MAFB: variants seen among roughly 807,000 people sequenced by gnomAD.
MAFB encodes the protein transcription factor MafB.
Under a neutral mutation model 17.7 loss-of-function variants are expected in MAFB, and 3 were observed. That is an observed-to-expected ratio of 0.17 (90% CI 0.08 to 0.44). The LOEUF (loss-of-function observed/expected upper bound fraction) is 0.44. Ranked by LOEUF, MAFB falls within the 20% of genes least tolerant of loss-of-function variation. The probability of loss-of-function intolerance (pLI) is 0.99; values close to 1 mark genes in which losing one functional copy is unlikely to be tolerated. For missense variants in MAFB, 355 were observed against 461.3 expected, an observed-to-expected ratio of 0.77 and a Z score of 2.11; for synonymous variants, 214 against 211.5, an observed-to-expected ratio of 1.01 and a Z score of -0.10.
At position 40,688,620 on chromosome 20, in the gene MAFB, T is replaced by C; in HGVS notation, c.231A>G (p.Glu77=). The part of the protein sequence containing the change: ...VPSSPSFSPT[E]QKTHLEDLYW... Reference sequence around the variant, plus strand: ...ACAGATCCTCGAGGTGTGTCTTCTGTTCGGTCGGGCTGAAGCTGGGCGACG... The same window carrying C: ...ACAGATCCTCGAGGTGTGTCTTCTGCTCGGTCGGGCTGAAGCTGGGCGACG... Residue 77 remains glutamate (E), a synonymous_variant, in exon 1 of 1, where the codon GAA becomes GAG. Transcript: ENST00000373313. The C allele has an allele frequency of 6.2e-7, 1 of 1,614,082 alleles. No homozygotes were observed. The highest frequency in any genetic ancestry group is 1.1e-5 in the South Asian group (1 of 91,082).
rs1986822911 is a variant in MAFB at position 40,686,116 on chromosome 20, C to A, written c.*1763G>T. ...CAAATATCCACAATATTTAAAACTG[C>A]AAGCACCATGCGGTTCATACAATCT... is the stretch of plus-strand genomic sequence containing the variant. On this transcript the variant is annotated 3_prime_UTR_variant, in exon 1 of 1. Transcript: ENST00000373313. 1 of 200,508 alleles carries A rather than the reference C, an allele frequency of 5.0e-6. No individual in the cohort carries two copies. The highest frequency in any genetic ancestry group is 1.0e-5 in the Non-Finnish European group (1 of 97,170). 12.4% of individuals were successfully genotyped at this position (200,508 alleles called of 1,614,324 possible).
At position 40,687,772 on chromosome 20, in the gene MAFB, C is replaced by T; in HGVS notation, c.*107G>A. 3.6e-6 allele frequency: 5 copies of T among 1,370,128 alleles called. No individual in the cohort carries two copies. The highest frequency in any genetic ancestry group is 4.9e-6 in the Non-Finnish European group (5 of 1,021,478). The allele number at this position is 1,370,128 out of a possible 1,614,324, so 84.9% of individuals were successfully genotyped here. ...TCCCTCTCGCTCAAGTCAAACAGGT[C>T]AAGGCTGGGGCCGCGGCAGGGACAG... On this transcript the variant is annotated 3_prime_UTR_variant, in exon 1 of 1. Coordinates refer to ENST00000373313, the MANE Select transcript of MAFB (RefSeq NM_005461.5).
In MAFB at chr20:40,686,540, TCAGGGATG is replaced by T. The variant is rs1986831927; in HGVS notation, c.*1331_*1338del. On this transcript the variant is annotated 3_prime_UTR_variant, in exon 1 of 1. Coordinates refer to ENST00000373313, the MANE Select transcript of MAFB (RefSeq NM_005461.5). ...TCTGCTTACCAGTGCACTGCCAGGG[TCAGGGATG>T]GCTAAGCCTCTCACCCTAGGAGCGC... is the stretch of plus-strand genomic sequence containing the variant. 1 of 396,770 alleles carries T rather than the reference TCAGGGATG, an allele frequency of 2.5e-6. No homozygotes were observed. Among genetic ancestry groups the T allele is most frequent in the African/African-American group, 2.1e-5 (1 of 48,634 alleles). The allele number at this position is 396,770 out of a possible 1,614,324, so 24.6% of individuals were successfully genotyped here.
In MAFB at chr20:40,688,289, G is replaced by A; in HGVS notation, c.562C>T (p.Pro188Ser). The stretch of plus-strand genomic sequence containing the variant: ...GCCGTCGCGTGCGGCCCGGGCCCGG[G>A]GTGGCTAGTGGGCAGCTGTTGCGCC... ...SPAQQLPTSH[P>S]GPGPHATASA... The change falls in exon 1 of 1, where the codon CCC (proline) becomes TCC (serine). Residue 188 changes from proline (P) to serine (S), a missense_variant. Coordinates refer to ENST00000373313, the MANE Select transcript of MAFB (RefSeq NM_005461.5). The A allele has an allele frequency of 6.5e-7, 1 of 1,537,286 alleles. No homozygotes were observed. The highest frequency in any genetic ancestry group is 8.7e-7 in the Non-Finnish European group (1 of 1,149,910).
Position 40,688,211 on chromosome 20 carries a change from C to G in MAFB, c.640G>C (p.Asp214His). ...CGCACGGACATGGACACGAGCTGGTCGTCGGAGAAGCGGTCCTCCACGCTG... is the reference window on the plus strand; with the variant it reads ...CGCACGGACATGGACACGAGCTGGTGGTCGGAGAAGCGGTCCTCCACGCTG... ...NGSVEDRFSD[D>H]QLVSMSVREL... The change falls in exon 1 of 1, where the codon GAC (aspartate) becomes CAC (histidine). Residue 214 changes from aspartate (D) to histidine (H), a missense_variant. Asp to His is a moderately conservative substitution (Grantham distance 81). This residue lies in a region of MAFB where 285 missense variants were observed against 350.0 expected (regional missense o/e 0.81). Transcript: ENST00000373313. 2 of 1,590,064 alleles carry G rather than the reference C, an allele frequency of 1.3e-6. No individual in the cohort carries two copies. The highest frequency in any genetic ancestry group is 1.7e-6 in the Non-Finnish European group (2 of 1,174,160).
Position 40,686,075 on chromosome 20 carries a change from C to T in MAFB, c.*1804G>A, listed in dbSNP as rs1014368323. The T allele has an allele frequency of 1.5e-5, 3 of 195,334 alleles. No homozygotes were observed. The highest frequency in any genetic ancestry group is 3.2e-5 in the Non-Finnish European group (3 of 93,822). 12.1% of individuals were successfully genotyped at this position (195,334 alleles called of 1,614,324 possible). ...AGTTGAATCTGTAAAAACCAAAGCTCGTTTCTGATGCAGGACAAATATCCA... is the reference window on the plus strand; with the variant it reads ...AGTTGAATCTGTAAAAACCAAAGCTTGTTTCTGATGCAGGACAAATATCCA... On this transcript the variant is annotated 3_prime_UTR_variant, in exon 1 of 1. Coordinates refer to ENST00000373313, the MANE Select transcript of MAFB (RefSeq NM_005461.5).
Position 40,688,238 on chromosome 20 carries a change from C to G in MAFB, c.613G>C (p.Gly205Arg), listed in dbSNP as rs747066288. The G allele has an allele frequency of 1.2e-5, 18 of 1,560,430 alleles. No homozygotes were observed. Among genetic ancestry groups the G allele is most frequent in the Non-Finnish European group, 1.4e-5 (16 of 1,160,298 alleles). Reference sequence around the variant, plus strand: ...TCGGAGAAGCGGTCCTCCACGCTGCCGTTGCCGCCCGCCGCCGTCGCCGAG... The same window carrying G: ...TCGGAGAAGCGGTCCTCCACGCTGCGGTTGCCGCCCGCCGCCGTCGCCGAG... ...TASATAAGGN[G>R]SVEDRFSDDQ... is the part of the protein sequence containing the mutation. The change falls in exon 1 of 1, where the codon GGC becomes CGC. Residue 205 changes from glycine to arginine, a missense_variant. Transcript: ENST00000373313.
At position 40,688,991 on chromosome 20, in the gene MAFB, C is replaced by G. The variant is rs1393028765; in HGVS notation, c.-141G>C. On this transcript the variant is annotated 5_prime_UTR_variant, in exon 1 of 1. Transcript: ENST00000373313. The stretch of plus-strand genomic sequence containing the variant: ...GGGCGCAGCGGGCCGGGGCCGCCGG[C>G]CAAGCCTTTGTCTGGGGACGCGGCG... 8.1e-7 allele frequency: 1 copy of G among 1,241,386 alleles called. No homozygotes were observed. The highest frequency in any genetic ancestry group is 1.9e-5 in the South Asian group (1 of 52,662). 76.9% of individuals were successfully genotyped at this position (1,241,386 alleles called of 1,614,324 possible). A position where few individuals can be genotyped will look rare whatever the true frequency, so the allele number is the denominator to read the frequency against.
Position 40,687,734 on chromosome 20 carries a change from C to G in MAFB, c.*145G>C. ...GCGCACCCGCCCGTCGCCCGCGGCC[C>G]GCGCGCCCTTCCTCCCTCTCGCTCA... On this transcript the variant is annotated 3_prime_UTR_variant, in exon 1 of 1. Transcript: ENST00000373313. 1 of 1,078,986 alleles carries G rather than the reference C, an allele frequency of 9.3e-7. No individual in the cohort carries two copies. 66.8% of individuals were successfully genotyped at this position (1,078,986 alleles called of 1,614,324 possible). A position where few individuals can be genotyped will look rare whatever the true frequency, so the allele number is the denominator to read the frequency against.
In MAFB at chr20:40,688,928, G is replaced by A. The variant is rs1986910700; in HGVS notation, c.-78C>T. 1.3e-6 allele frequency: 2 copies of A among 1,500,836 alleles called. No homozygotes were observed. Among genetic ancestry groups the A allele is most frequent in the Non-Finnish European group, 1.8e-6 (2 of 1,133,440 alleles). 93.0% of individuals were successfully genotyped at this position (1,500,836 alleles called of 1,614,324 possible). A position where few individuals can be genotyped will look rare whatever the true frequency, so the allele number is the denominator to read the frequency against. On this transcript the variant is annotated 5_prime_UTR_variant, in exon 1 of 1. Transcript: ENST00000373313. ...CGGAGCGCGCCGAGCCAAGCGCGGG[G>A]GGGAAGAGCGGAGAAGAGCTGGGGA...
Position 40,688,802 on chromosome 20 carries a change from C to T in MAFB, c.49G>A (p.Ala17Thr), listed in dbSNP as rs753326927. 1.9e-6 allele frequency: 3 copies of T among 1,613,272 alleles called. No individual in the cohort carries two copies. Among genetic ancestry groups the T allele is most frequent in the East Asian group, 2.2e-5 (1 of 44,870 alleles). The change falls in exon 1 of 1, where the codon GCC becomes ACC. Residue 17 changes from alanine (A) to threonine (T), a missense_variant. Physicochemically the swap from Ala to Thr is moderately conservative, Grantham distance 58. This residue lies in a region of MAFB where 285 missense variants were observed against 350.0 expected (regional missense o/e 0.81). Coordinates refer to ENST00000373313, the MANE Select transcript of MAFB (RefSeq NM_005461.5). ...TCGAAGTCGTTGACATACTCCATGG[C>T]CAGCGGGCTGGTGGGCAGCTCTGGC... ...MGPELPTSPL[A>T]MEYVNDFDLL... is the part of the protein sequence containing the mutation.
At position 40,688,914 on chromosome 20, in the gene MAFB, G is replaced by T; in HGVS notation, c.-64C>A. 6.6e-7 allele frequency: 1 copy of T among 1,519,400 alleles called. No individual in the cohort carries two copies. The highest frequency in any genetic ancestry group is 8.8e-7 in the Non-Finnish European group (1 of 1,141,100). The allele number at this position is 1,519,400 out of a possible 1,614,324, so 94.1% of individuals were successfully genotyped here. ...ACTTTGCGGCCGGCCGGAGCGCGCC[G>T]AGCCAAGCGCGGGGGGGAAGAGCGG... On this transcript the variant is annotated 5_prime_UTR_variant, in exon 1 of 1. Coordinates refer to ENST00000373313, the MANE Select transcript of MAFB (RefSeq NM_005461.5).
chr20:40,686,736 C>T lies in MAFB; in HGVS notation c.*1143G>A. ...GACAAGGCTGTAGTCCAGAACACTC[C>T]TCTGGGGTGCGGAGCTTGGCAGCTT... On this transcript the variant is annotated 3_prime_UTR_variant, in exon 1 of 1. Transcript: ENST00000373313. The T allele has an allele frequency of 2.5e-6, 1 of 398,646 alleles. No homozygotes were observed. Among genetic ancestry groups the T allele is most frequent in the Non-Finnish European group, 4.4e-6 (1 of 226,084 alleles). 24.7% of individuals were successfully genotyped at this position (398,646 alleles called of 1,614,324 possible).
Position 40,688,657 on chromosome 20 carries a change from C to T in MAFB, c.194G>A (p.Ser65Asn), listed in dbSNP as rs1261578040. 6.2e-7 allele frequency: 1 copy of T among 1,613,980 alleles called. No individual in the cohort carries two copies. The highest frequency in any genetic ancestry group is 2.2e-5 in the East Asian group (1 of 44,860). Residue 65 changes from serine (S) to asparagine (N), a missense_variant, in exon 1 of 1, where the codon AGC (serine) becomes AAC (asparagine). Around this residue, in one of 3 missense-constraint regions of MAFB, gnomAD observed 285 missense variants for 350.0 expected, o/e 0.81. Transcript: ENST00000373313. ...VSSTPLSTPC[S>N]SVPSSPSFSP... ...GAAGCTGGGCGACGAGGGCACGGAG[C>T]TACACGGAGTGCTGAGCGGTGTGGA...
chr20:40,687,057 T>C lies in MAFB; in HGVS notation c.*822A>G, dbSNP rs1326520641. 1.0e-5 allele frequency: 4 copies of C among 398,664 alleles called. No homozygotes were observed. The highest frequency in any genetic ancestry group is 1.8e-5 in the Non-Finnish European group (4 of 226,040). 24.7% of individuals were successfully genotyped at this position (398,664 alleles called of 1,614,324 possible). A position where few individuals can be genotyped will look rare whatever the true frequency, so the allele number is the denominator to read the frequency against. Reference sequence around the variant, plus strand: ...TCTATGCGGTTTGGCGGGGCGGGTATTTACAAGCCTACAGCTGGGACTGAA... The same window carrying C: ...TCTATGCGGTTTGGCGGGGCGGGTACTTACAAGCCTACAGCTGGGACTGAA... On this transcript the variant is annotated 3_prime_UTR_variant, in exon 1 of 1. Coordinates refer to ENST00000373313, the MANE Select transcript of MAFB (RefSeq NM_005461.5).
chr20:40,688,366 T>C lies in MAFB; in HGVS notation c.485A>G (p.His162Arg). Reference protein sequence around the residue: ...HDELGPHAHPHHHHHHQASPP... With the variant: ...HDELGPHAHPRHHHHHQASPP... Reference sequence around the variant, plus strand: ...CGACGCTTGGTGATGATGGTGATGGTGCGGGTGAGCGTGCGGGCCCAGCTC... The same window carrying C: ...CGACGCTTGGTGATGATGGTGATGGCGCGGGTGAGCGTGCGGGCCCAGCTC... Residue 162 changes from histidine (H) to arginine (R), a missense_variant, in exon 1 of 1, where the codon CAC becomes CGC. His to Arg is a conservative substitution (Grantham distance 29, BLOSUM62 0). This residue lies in a region of MAFB where 285 missense variants were observed against 350.0 expected (regional missense o/e 0.81). Transcript: ENST00000373313. The C allele has an allele frequency of 6.5e-7, 1 of 1,547,130 alleles. No homozygotes were observed. The highest frequency in any genetic ancestry group is 8.7e-7 in the Non-Finnish European group (1 of 1,155,100).
rs760834533 is a variant in MAFB at position 40,688,653 on chromosome 20, G to T, written c.198C>A (p.Ser66=). ...GGCTGAAGCTGGGCGACGAGGGCAC[G>T]GAGCTACACGGAGTGCTGAGCGGTG... ...SSTPLSTPCS[S]VPSSPSFSPT... Residue 66 remains serine (S), a synonymous_variant, in exon 1 of 1, where the codon TCC becomes TCA. Transcript: ENST00000373313. 6.2e-7 allele frequency: 1 copy of T among 1,613,888 alleles called. No individual in the cohort carries two copies. Among genetic ancestry groups the T allele is most frequent in the South Asian group, 1.1e-5 (1 of 91,080 alleles).
At position 40,687,193 on chromosome 20, in the gene MAFB, T is replaced by C. The variant is rs890428801; in HGVS notation, c.*686A>G. ...ATGCTAAAGTTAAACAAGAAAATGG[T>C]ACAAAATAGAAATTATTACCATACA... On this transcript the variant is annotated 3_prime_UTR_variant, in exon 1 of 1. Transcript: ENST00000373313. 2.5e-6 allele frequency: 1 copy of C among 398,888 alleles called. No individual in the cohort carries two copies. Among genetic ancestry groups the C allele is most frequent in the African/African-American group, 2.1e-5 (1 of 48,636 alleles). 24.7% of individuals were successfully genotyped at this position (398,888 alleles called of 1,614,324 possible).
In MAFB at chr20:40,688,726, G is replaced by T; in HGVS notation, c.125C>A (p.Pro42Gln). 1 of 1,613,862 alleles carries T rather than the reference G, an allele frequency of 6.2e-7. No individual in the cohort carries two copies. Among genetic ancestry groups the T allele is most frequent in the Non-Finnish European group, 8.5e-7 (1 of 1,179,894 alleles). ...KKEPLGRAER[P>Q]GRPCTRLQPA... is the part of the protein sequence containing the mutation. ...CTGCAGGCGTGTGCAGGGCCTGCCC[G>T]GACGCTCCGCGCGCCCCAGTGGCTC... Residue 42 changes from proline (P) to glutamine (Q), a missense_variant, in exon 1 of 1, where the codon CCG becomes CAG. Pro to Gln is a moderately conservative substitution (Grantham distance 76, BLOSUM62 -1). Coordinates refer to ENST00000373313, the MANE Select transcript of MAFB (RefSeq NM_005461.5).
Sources: allele counts gnomAD v4.1 joint callset, GRCh38; gene constraint gnomAD v4.1.1; regional missense constraint gnomAD v4.1.1; transcripts MANE v1.5; gene names NCBI Gene and HGNC (gene_info 2026-07-23, HGNC 2026-07-21).